Variants in SPOUT1 observed in about 807,000 individuals in gnomAD.
SPOUT1 encodes 28S rRNA (uridine-N(3))-methyltransferase.
A neutral mutation model predicts 54.8 loss-of-function variants in SPOUT1; 40 were observed. That is an observed-to-expected ratio of 0.73 (90% CI 0.57 to 0.95). The LOEUF is 0.95. Ranked by LOEUF, SPOUT1 falls within the 40% of genes least tolerant of loss-of-function variation. The pLI is 0.00. For synonymous variants in SPOUT1, 193 were observed against 200.3 expected (o/e 0.96, Z 0.31); for missense variants, 437 against 499.5 (o/e 0.87, Z 1.19).
At chr9:128,824,297 T>C (rs560203039) in intron 9 of SPOUT1, 123 bp from the exon 10 acceptor site, 29 of 590,072 alleles carry the variant, frequency 4.9e-5, no homozygotes, top group East Asian at 2.7e-4. Context: ...TGTGTGTGTG[T>C]GTGCGTGTGT....
rs746082221 is a variant in SPOUT1 at position 128,828,788 on chromosome 9, T to TAACA, written c.154_155insTGTT (p.Glu52ValfsTer61). 1.9e-6 allele frequency: 3 copies of TAACA among 1,614,154 alleles called. No individual in the cohort carries two copies. Among genetic ancestry groups the TAACA allele is most frequent in the Non-Finnish European group, 2.5e-6 (3 of 1,180,016 alleles). On this transcript the variant is annotated frameshift_variant, in exon 3 of 12. Coordinates refer to ENST00000361256, the MANE Select transcript of SPOUT1 (RefSeq NM_016390.4). LOFTEE classifies it high-confidence loss of function. ...CTCCTCTTCCAGGCGCTTTGCCTGT[T>TAACA]CCTCCTGTGCCCGCTGCCGCTCCAG...
intron 9 of SPOUT1, among the ~76,000 whole-genome samples, 167 bp downstream of exon 9, chr9:128,824,604 C>T (rs7860949): frequency 0.34 from 51,486 of 151,956 alleles, 10,488 homozygotes; most frequent in African/African-American, 0.58. Flanking sequence ...GCATTCCAGG[C>T]AGTGCATCCA....
Position 128,821,096 on chromosome 9 carries a change from G to C in SPOUT1, c.*1669C>G, listed in dbSNP as rs541024286. ...AGCAGCAGGCCCTGAATCTGCCCCCGCTTCTCCCTGCTGTCACCTCTTGGC... is the reference window on the plus strand; with the variant it reads ...AGCAGCAGGCCCTGAATCTGCCCCCCCTTCTCCCTGCTGTCACCTCTTGGC... On this transcript the variant is annotated 3_prime_UTR_variant, in exon 12 of 12. Coordinates refer to ENST00000361256, the MANE Select transcript of SPOUT1 (RefSeq NM_016390.4). 3 of 541,938 alleles carry C rather than the reference G, an allele frequency of 5.5e-6. No individual in the cohort carries two copies. Among genetic ancestry groups the C allele is most frequent in the Middle Eastern group, 4.9e-4 (1 of 2,050 alleles). 33.6% of individuals were successfully genotyped at this position (541,938 alleles called of 1,614,324 possible).
rs1355636260 is a variant in SPOUT1, at chr9:128,822,082, C to T, written c.*683G>A. On this transcript the variant is annotated 3_prime_UTR_variant, in exon 12 of 12. Transcript: ENST00000361256. ...TCAGAAGGCTCGATTCTCCTAGCAG[C>T]GTTTATTGTCGCCCACTCTGCCTGA... 3 of 565,266 alleles carry T rather than the reference C, an allele frequency of 5.3e-6. No homozygotes were observed. In the African/African-American group the frequency reaches 5.6e-5, roughly 11 times the overall value. 35.0% of individuals were successfully genotyped at this position (565,266 alleles called of 1,614,324 possible).
Position 128,822,723 on chromosome 9 carries a change from T to C in SPOUT1, c.*42A>G, listed in dbSNP as rs1830150733. ...CCCAAGTGACCTGCAGAGCCCCTGG[T>C]TTCACTGCTGCTTCACTGATGTCCT... On this transcript the variant is annotated 3_prime_UTR_variant, in exon 12 of 12. Transcript: ENST00000361256. 1 of 1,556,772 alleles carries C rather than the reference T, an allele frequency of 6.4e-7. No homozygotes were observed. The highest frequency in any genetic ancestry group is 8.7e-7 in the Non-Finnish European group (1 of 1,149,436).
At chr9:128,822,869 G>A (rs1222751543) in intron 11 of SPOUT1, 36 bp from the exon 12 acceptor site, 1 of 1,487,564 alleles carries the variant, frequency 6.7e-7, no homozygotes, top group South Asian at 1.2e-5. Flanking sequence ...TGGGGCCTGG[G>A]GGGCTAGCGG....
chr9:128,824,217 G>T, intron 9 of SPOUT1, 43 bp from the exon 10 acceptor site: 2 of 1,039,474 alleles, frequency 1.9e-6, no homozygotes, highest in Non-Finnish European at 3.0e-6. Context: ...CTCCCCACAA[G>T]CCATAGCTCC....
rs1472755635 is a variant in SPOUT1 at position 128,821,474 on chromosome 9, T to C, written c.*1291A>G. 2 of 159,384 alleles carry C rather than the reference T, an allele frequency of 1.3e-5. No individual in the cohort carries two copies. The highest frequency in any genetic ancestry group is 6.4e-5 in the Admixed American group (1 of 15,664). The allele number at this position is 159,384 out of a possible 1,614,324, so 9.9% of individuals were successfully genotyped here. A position where few individuals can be genotyped will look rare whatever the true frequency, so the allele number is the denominator to read the frequency against. On this transcript the variant is annotated 3_prime_UTR_variant, in exon 12 of 12. Transcript: ENST00000361256. ...ACCAGGCTCTCCCGCCTTCAGTCTC[T>C]GCTCTGCTTGGAGCACTTCCCTCCA...
intron 2 of SPOUT1, 43 bp from the exon 3 acceptor site, chr9:128,828,903 A>C: frequency 6.2e-7 from 1 of 1,612,192 alleles, no homozygotes; most frequent in Non-Finnish European, 8.5e-7. Flanking sequence ...GACAGTTCCC[A>C]CTCATTGGGT....
chr9:128,822,306 G>A lies in SPOUT1; in HGVS notation c.*459C>T, dbSNP rs769084269. On this transcript the variant is annotated 3_prime_UTR_variant, in exon 12 of 12. Transcript: ENST00000361256. ...GGGTTCATCCAGGCCCCCTGCCCAC[G>A]TGTGCCTGGGTCTGCCCACAGGACA... The A allele has an allele frequency of 1.3e-5, 21 of 1,606,384 alleles. No individual in the cohort carries two copies. Among genetic ancestry groups the A allele is most frequent in the African/African-American group, 5.3e-5 (4 of 74,796 alleles).
chr9:128,829,664 G>A (rs1803937695), intron 1 of SPOUT1, 81 bp downstream of exon 1: 2 of 1,120,348 alleles, frequency 1.8e-6, no homozygotes, highest in African/African-American at 1.6e-5. Context: ...GCGCGGCCCG[G>A]CCCCGGCGAA....
At position 128,828,735 on chromosome 9, in the gene SPOUT1, C is replaced by T. The variant is rs768476199; in HGVS notation, c.208G>A (p.Gly70Arg). 1.9e-5 allele frequency: 31 copies of T among 1,613,284 alleles called. No homozygotes were observed. The highest frequency in any genetic ancestry group is 1.4e-4 in the South Asian group (13 of 91,050). The change falls in exon 3 of 12, where the codon GGG (glycine) becomes AGG (arginine). Residue 70 changes from glycine (G) to arginine (R), a missense_variant and splice_region_variant. Transcript: ENST00000361256. ...EEAAAEKEDR[G>R]RPYTLSVALP... is the part of the protein sequence containing the mutation. ...GGCCCTCCCCAAGACCCCAGCTCACCGCGGTCCTCCTTCTCTGCCGCTGCC... is the reference window on the plus strand; with the variant it reads ...GGCCCTCCCCAAGACCCCAGCTCACTGCGGTCCTCCTTCTCTGCCGCTGCC...
Position 128,828,877 on chromosome 9 carries a change from C to T in SPOUT1, c.83-17G>A. ...CCTCTTTCTCTGGATAAAAGAACAT[C>T]CTAATTGGCCAAGGAGACAGTTCCC... On this transcript the variant is annotated splice_polypyrimidine_tract_variant and intron_variant, in intron 2 of 11. Transcript: ENST00000361256. 1 of 1,613,988 alleles carries T rather than the reference C, an allele frequency of 6.2e-7. No homozygotes were observed. The highest frequency in any genetic ancestry group is 8.5e-7 in the Non-Finnish European group (1 of 1,179,950).
chr9:128,820,986 C>A lies in SPOUT1; in HGVS notation c.*1779G>T. On this transcript the variant is annotated 3_prime_UTR_variant, in exon 12 of 12. Transcript: ENST00000361256. ...TCTGGTTTCTTGGCAAGCCTGTCAG[C>A]TTCCCTGCCTCGAGTCCCCTCATTC... is the stretch of plus-strand genomic sequence containing the variant. The A allele has an allele frequency of 1.3e-6, 1 of 745,740 alleles. No homozygotes were observed. 46.2% of individuals were successfully genotyped at this position (745,740 alleles called of 1,614,324 possible). A position where few individuals can be genotyped will look rare whatever the true frequency, so the allele number is the denominator to read the frequency against.
In SPOUT1 at chr9:128,824,254, C is replaced by A. The variant is rs898090148; in HGVS notation, c.812-80G>T. The stretch of plus-strand genomic sequence containing the variant: ...GGTATTATGTGTGTGTGTACTGAGG[C>A]GGGGGTGGGTGGGAAGAGCTGTGTG... On this transcript the variant is annotated intron_variant, in intron 9 of 11. Coordinates refer to ENST00000361256, the MANE Select transcript of SPOUT1 (RefSeq NM_016390.4). 5.1e-4 allele frequency: 162 copies of A among 316,078 alleles called. 1 individual carries two copies. The highest frequency in any genetic ancestry group is 4.5e-3 in the African/African-American group (148 of 32,534). The allele number at this position is 316,078 out of a possible 1,614,324, so 19.6% of individuals were successfully genotyped here.
In SPOUT1 at chr9:128,821,198, C is replaced by G. The variant is rs985032230; in HGVS notation, c.*1567G>C. 26 of 314,046 alleles carry G rather than the reference C, an allele frequency of 8.3e-5. No homozygotes were observed. The highest frequency in any genetic ancestry group is 5.2e-4 in the African/African-American group (24 of 46,508). The allele number at this position is 314,046 out of a possible 1,614,324, so 19.5% of individuals were successfully genotyped here. On this transcript the variant is annotated 3_prime_UTR_variant, in exon 12 of 12. Transcript: ENST00000361256. ...TGCACCAAGCTCTCCCACCTTCCCC[C>G]CGCAGGTCTGCAGTGCACCAAGCTC...
In SPOUT1 at chr9:128,819,868, A is replaced by T. The variant is rs1830071346; in HGVS notation, c.*2897T>A. On this transcript the variant is annotated 3_prime_UTR_variant, in exon 12 of 12. Transcript: ENST00000361256. ...CATGCGCAGTTCACCATAGGGTTCC[A>T]GCTCCTATGACAATCTCCAGCCGCC... is the stretch of plus-strand genomic sequence containing the variant. 1 of 152,098 alleles carries T rather than the reference A, an allele frequency of 6.6e-6. No individual in the cohort carries two copies. Among genetic ancestry groups the T allele is most frequent in the Non-Finnish European group, 1.5e-5 (1 of 68,094 alleles). 9.4% of individuals were successfully genotyped at this position (152,098 alleles called of 1,614,324 possible).
chr9:128,826,760 G>C lies in SPOUT1; in HGVS notation c.369-131C>G. 1.4e-6 allele frequency: 1 copy of C among 700,242 alleles called. No homozygotes were observed. The highest frequency in any genetic ancestry group is 1.9e-5 in the South Asian group (1 of 53,232). 43.4% of individuals were successfully genotyped at this position (700,242 alleles called of 1,614,324 possible). Reference sequence around the variant, plus strand: ...GAGGATCATCTGAGTGCAGCAAGTAGAGGCTGCAGTGAGCCATGACCATGC... The same window carrying C: ...GAGGATCATCTGAGTGCAGCAAGTACAGGCTGCAGTGAGCCATGACCATGC... On this transcript the variant is annotated intron_variant, in intron 4 of 11. Coordinates refer to ENST00000361256, the MANE Select transcript of SPOUT1 (RefSeq NM_016390.4). This position sits in a 1 kb window ranked among gnomAD's most constrained non-coding sequence, Gnocchi z 5.5.
rs976847251 is a variant in SPOUT1, at chr9:128,821,172, G to A, written c.*1593C>T. The stretch of plus-strand genomic sequence containing the variant: ...ATATGGAACCCCCCGCAGGTCTGCA[G>A]TGCACCAAGCTCTCCCACCTTCCCC... On this transcript the variant is annotated 3_prime_UTR_variant, in exon 12 of 12. Transcript: ENST00000361256. 3 of 366,948 alleles carry A rather than the reference G, an allele frequency of 8.2e-6. No homozygotes were observed. Among genetic ancestry groups the A allele is most frequent in the Non-Finnish European group, 1.5e-5 (3 of 194,424 alleles). 22.7% of individuals were successfully genotyped at this position (366,948 alleles called of 1,614,324 possible).
Sources: allele counts gnomAD v4.1 joint callset (sites outside exome capture counted in the v4.1 genomes callset), GRCh38; gene constraint gnomAD v4.1.1; non-coding constraint Gnocchi (gnomAD v3.1); transcripts MANE v1.5; gene names NCBI Gene and HGNC (gene_info 2026-07-23, HGNC 2026-07-21).